SPECC1: variants seen among roughly 807,000 people sequenced by gnomAD.
SPECC1 encodes the protein cytospin-B.
SPECC1 carries 62 observed loss-of-function variants against 104.1 expected under a neutral mutation model. That is an observed-to-expected ratio of 0.60 (90% CI 0.49 to 0.74). The LOEUF is 0.74. Ranked by LOEUF, SPECC1 falls within the 30% of genes least tolerant of loss-of-function variation. The pLI is 0.00. For synonymous variants in SPECC1, 513 were observed against 501.6 expected (o/e 1.02, Z -0.30); for missense variants, 1,306 against 1,310.5 (o/e 1.00, Z 0.05).
intron 1 of SPECC1, among the ~76,000 whole-genome samples, chr17:20,083,265 A>C (rs1381640733): frequency 6.6e-6 from 1 of 152,214 alleles, no homozygotes; most frequent in African/African-American, 2.4e-5. Context: ...TTCCTTTTAA[A>C]TGCAAAGGCG....
intron 1 of SPECC1, among the ~76,000 whole-genome samples, chr17:20,095,369 G>A (rs577318899): frequency 2.0e-5 from 3 of 152,296 alleles, no homozygotes; most frequent in South Asian, 2.1e-4. Context: ...AACAAATTAC[G>A]CCGCCTTTAA....
chr17:20,230,416 C>G (rs893461453), intron 5 of SPECC1, among the ~76,000 whole-genome samples: 1 of 152,176 alleles, frequency 6.6e-6, no homozygotes, highest in South Asian at 2.1e-4. Context: ...CCAGGCTGTT[C>G]TCAGGATACA....
intron 10 of SPECC1, among the ~76,000 whole-genome samples, chr17:20,255,246 T>G (rs955230722): frequency 4.6e-5 from 7 of 151,608 alleles, no homozygotes; most frequent in Admixed American, 2.0e-4. Flanking sequence ...TCAGTGGAGG[T>G]AGAGAAATGA....
chr17:20,299,555 C>CAAAAAAAAAAAAAAAAAAAAAA (rs57493380), intron 13 of SPECC1, among the ~76,000 whole-genome samples: 1 of 40,368 alleles, frequency 2.5e-5, no homozygotes, highest in Non-Finnish European at 5.3e-5. Flanking sequence ...GACCCTGTCT[C>CAAAAAAAAAAAAAAAAAAAAAA]AAAAAAAAAA....
chr17:20,044,900 A>C (rs966956889), intron 1 of SPECC1, among the ~76,000 whole-genome samples: 3 of 152,258 alleles, frequency 2.0e-5, no homozygotes, highest in African/African-American at 7.2e-5. Context: ...TTATCAAGTA[A>C]AGGGTGTGCT....
intron 1 of SPECC1, among the ~76,000 whole-genome samples, chr17:20,066,460 A>T (rs1293905839): frequency 2.0e-5 from 3 of 152,192 alleles, no homozygotes; most frequent in African/African-American, 7.2e-5. Flanking sequence ...GTGGAAGAGC[A>T]TTGGTCTGGA....
rs983748124 is a variant in SPECC1, at chr17:20,257,547, T to G, written c.2777T>G (p.Phe926Cys). 6.2e-7 allele frequency: 1 copy of G among 1,613,490 alleles called. No individual in the cohort carries two copies. Among genetic ancestry groups the G allele is most frequent in the Non-Finnish European group, 8.5e-7 (1 of 1,179,886 alleles). Residue 926 changes from phenylalanine to cysteine, a missense_variant, in exon 11 of 15, where the codon TTT (phenylalanine) becomes TGT (cysteine). By Grantham distance (205) the Phe-to-Cys change is radical. Coordinates refer to ENST00000395527, the MANE Select transcript of SPECC1 (RefSeq NM_001243439.2). ...CTGAGCAGACCCCCGTCTCTGGGCT[T>G]TGGGGACACAAGACTGCTGAGTGCT... ...ESLSRPPSLG[F>C]GDTRLLSAST...
chr17:20,047,272 C>T (rs560891443), intron 1 of SPECC1, among the ~76,000 whole-genome samples: 1 of 152,102 alleles, frequency 6.6e-6, no homozygotes, highest in Non-Finnish European at 1.5e-5. Context: ...ACTTTCTCTC[C>T]CTTCTGGCTC....
intron 1 of SPECC1, among the ~76,000 whole-genome samples, chr17:20,068,424 GT>G (rs1394701441): frequency 6.6e-6 from 1 of 152,160 alleles, no homozygotes. Flanking sequence ...TATGGCTACT[GT>G]GATTAGTGCT....
At chr17:20,125,515 C>T in intron 3 of SPECC1, among the ~76,000 whole-genome samples, 1 of 152,224 alleles carries the variant, frequency 6.6e-6, no homozygotes, top group South Asian at 2.1e-4. Context: ...CATCTGTACC[C>T]ACTGAACGAC....
At position 20,314,768 on chromosome 17, in the gene SPECC1, C is replaced by T. The variant is rs560593486; in HGVS notation, c.*703C>T. 1.4e-5 allele frequency: 3 copies of T among 217,780 alleles called. No individual in the cohort carries two copies. Among genetic ancestry groups the T allele is most frequent in the Non-Finnish European group, 2.7e-5 (3 of 110,710 alleles). The allele number at this position is 217,780 out of a possible 1,614,324, so 13.5% of individuals were successfully genotyped here. ...GGCAACCTGGAAACGTGCGTGCGCA[C>T]TCAGCCTTTTGGGGAAAAATGGGAG... On this transcript the variant is annotated 3_prime_UTR_variant, in exon 15 of 15. Coordinates refer to ENST00000395527, the MANE Select transcript of SPECC1 (RefSeq NM_001243439.2).
chr17:20,100,464 C>T (rs1047962763), intron 2 of SPECC1, among the ~76,000 whole-genome samples: 1 of 152,108 alleles, frequency 6.6e-6, no homozygotes, highest in Non-Finnish European at 1.5e-5. Context: ...TACAGTAGTA[C>T]AGGGGATCCC....
chr17:20,067,959 C>A (rs974999770), intron 1 of SPECC1, among the ~76,000 whole-genome samples: 3 of 152,022 alleles, frequency 2.0e-5, no homozygotes, highest in African/African-American at 7.2e-5. Flanking sequence ...TGGAATTATA[C>A]AATAGATGGT....
intron 12 of SPECC1, among the ~76,000 whole-genome samples, chr17:20,287,210 T>G (rs1046417471): frequency 1.1e-3 from 165 of 152,016 alleles, no homozygotes; most frequent in Middle Eastern, 6.8e-3. Flanking sequence ...GAGGTCAGGA[T>G]ATCGAGACCA....
intron 5 of SPECC1, among the ~76,000 whole-genome samples, chr17:20,229,418 A>G (rs977651079): frequency 1.3e-5 from 2 of 152,224 alleles, no homozygotes; most frequent in South Asian, 2.1e-4. Flanking sequence ...TAATCTCAGC[A>G]CTTTGGGAGA....
chr17:20,256,590 TCCTGGTC>T (rs1409893836), intron 10 of SPECC1, among the ~76,000 whole-genome samples: 12 of 152,324 alleles, frequency 7.9e-5, no homozygotes, highest in African/African-American at 2.4e-4. Context: ...TGTGGGCTCA[TCCTGGTC>T]CCTGGTCTGC....
intron 3 of SPECC1, among the ~76,000 whole-genome samples, chr17:20,136,241 T>G (rs1827290481): frequency 6.6e-6 from 1 of 151,986 alleles, no homozygotes; most frequent in Admixed American, 6.6e-5. Flanking sequence ...CTGACCAACA[T>G]AGTGAAACCC....
intron 12 of SPECC1, among the ~76,000 whole-genome samples, chr17:20,287,840 G>A (rs2041010958): frequency 6.6e-6 from 1 of 151,834 alleles, no homozygotes; most frequent in African/African-American, 2.4e-5. Flanking sequence ...TACATGTGCA[G>A]GATGTGCAGG....
intron 12 of SPECC1, among the ~76,000 whole-genome samples, chr17:20,287,387 G>A (rs982367170): frequency 5.1e-5 from 7 of 138,164 alleles, no homozygotes; most frequent in Admixed American, 7.9e-5. Flanking sequence ...ACTGCAGTCC[G>A]CAGTCCGGCC....
Sources: gnomAD v4.1 joint callset for allele counts (sites outside exome capture counted in the v4.1 genomes callset) on GRCh38, gnomAD v4.1.1 for gene constraint, MANE v1.5 for transcripts, NCBI Gene and HGNC (gene_info 2026-07-23, HGNC 2026-07-21) for gene names.